RGS6: variants seen among roughly 807,000 people sequenced by gnomAD.
The protein encoded by RGS6 is regulator of G-protein signaling 6.
A neutral mutation model predicts 78.5 loss-of-function variants in RGS6; 30 were observed. The ratio of observed to expected loss-of-function variants is 0.38; its 90% CI spans 0.29 to 0.52. RGS6 has a LOEUF of 0.52. RGS6 is among the 20% of genes least tolerant of loss of function. The pLI, the probability that RGS6 is intolerant of heterozygous loss-of-function variation, is 0.85. For synonymous variants in RGS6, 206 were observed against 206.0 expected (o/e 1.00, Z 0.00); for missense variants, 495 against 609.7 (o/e 0.81, Z 1.98).
At chr14:71,897,853 G>T in the RGS6 span, among the ~76,000 whole-genome samples, 9 of 152,156 alleles carry the variant, frequency 5.9e-5, no homozygotes, top group South Asian at 1.9e-3. Context: ...TACAGCAAGG[G>T]AGGACTCCTT....
chr14:72,194,797 C>T lies in RGS6; in HGVS notation c.85-157298C>T, dbSNP rs184960644. 1.2e-4 allele frequency among the ~76,000 whole-genome samples: 19 copies of T among 152,248 alleles called. 1 individual carries two copies. The East Asian group carries it at 3.3e-3, about 26-fold the overall frequency. ...GAAGAGGGACCCTGGGGCAGGGGAG[C>T]AGCTGCAATTTTAACTAGGGCAACC... On this transcript the variant is annotated intron_variant, in intron 2 of 17. Coordinates refer to ENST00000553525, the MANE Select transcript of RGS6 (RefSeq NM_001204424.2).
At chr14:72,236,261 A>G (rs777984163) in intron 2 of RGS6, among the ~76,000 whole-genome samples, 2 of 152,192 alleles carry the variant, frequency 1.3e-5, no homozygotes, top group Admixed American at 6.5e-5. Context: ...TGTTTGCTTC[A>G]TCACTGGCTA....
At chr14:72,055,945 G>C (rs536654428) in intron 2 of RGS6, among the ~76,000 whole-genome samples, 1 of 152,198 alleles carries the variant, frequency 6.6e-6, no homozygotes, top group African/African-American at 2.4e-5. Flanking sequence ...GCTAGAAATT[G>C]TGCTTGACAT....
At chr14:72,507,558 C>A (rs2096823642) in intron 13 of RGS6, among the ~76,000 whole-genome samples, 1 of 152,184 alleles carries the variant, frequency 6.6e-6, no homozygotes, top group East Asian at 1.9e-4. Flanking sequence ...CTGTCCTAAG[C>A]ATCCCTCTGA....
chr14:71,925,129 T>G, the RGS6 span, among the ~76,000 whole-genome samples: 1 of 152,210 alleles, frequency 6.6e-6, no homozygotes. Flanking sequence ...GAGGTGACAC[T>G]CATTGTGGCT....
At chr14:72,414,499 CA>C (rs1307980413) in intron 3 of RGS6, among the ~76,000 whole-genome samples, 5 of 152,088 alleles carry the variant, frequency 3.3e-5, no homozygotes, top group African/African-American at 1.2e-4. Context: ...ACTTCTTTGC[CA>C]TTGGTTCGAA....
At chr14:72,551,729 A>C (rs1384110009) in intron 17 of RGS6, among the ~76,000 whole-genome samples, 1 of 152,204 alleles carries the variant, frequency 6.6e-6, no homozygotes, top group Admixed American at 6.5e-5. Flanking sequence ...CACAGGGTAG[A>C]TGTTGGCATT....
At chr14:72,409,909 C>A (rs887682992) in intron 3 of RGS6, among the ~76,000 whole-genome samples, 3 of 152,164 alleles carry the variant, frequency 2.0e-5, no homozygotes, top group Admixed American at 6.5e-5. Flanking sequence ...TTTTTTATGG[C>A]TGCATAGTAT....
intron 2 of RGS6, among the ~76,000 whole-genome samples, chr14:72,201,039 C>T (rs78170293): frequency 0.014 from 2,177 of 151,592 alleles, 56 homozygotes; most frequent in African/African-American, 0.05. Context: ...CCTTCTTAGC[C>T]AGCCTGAGTT....
chr14:72,223,639 G>A (rs1269011646), intron 2 of RGS6, among the ~76,000 whole-genome samples: 1 of 152,228 alleles, frequency 6.6e-6, no homozygotes, highest in African/African-American at 2.4e-5. Flanking sequence ...TCTAGTAATA[G>A]ACAAGGGCCA....
chr14:71,948,160 A>G (rs1455165366), intron 1 of RGS6, among the ~76,000 whole-genome samples: 3 of 152,162 alleles, frequency 2.0e-5, no homozygotes, highest in African/African-American at 4.8e-5. Context: ...GCACGAGAGA[A>G]GAAGAAGATG....
At chr14:72,195,696 G>A (rs1392643890) in intron 2 of RGS6, among the ~76,000 whole-genome samples, 1 of 152,204 alleles carries the variant, frequency 6.6e-6, no homozygotes, top group Non-Finnish European at 1.5e-5. Context: ...TTTTATAAGC[G>A]ACTTCCTGAG....
chr14:72,581,956 C>G, the RGS6 span, among the ~76,000 whole-genome samples: 2 of 152,194 alleles, frequency 1.3e-5, no homozygotes, highest in African/African-American at 2.4e-5. Flanking sequence ...CTGGTGGGAG[C>G]TTTCCTGCTG....
At chr14:71,993,779 G>A (rs1453401958) in intron 2 of RGS6, among the ~76,000 whole-genome samples, 1 of 152,120 alleles carries the variant, frequency 6.6e-6, no homozygotes, top group East Asian at 1.9e-4. Context: ...CAGGGAATCT[G>A]ACCCAGACTT....
chr14:72,301,738 G>C (rs1255983921), intron 2 of RGS6, among the ~76,000 whole-genome samples: 3 of 152,138 alleles, frequency 2.0e-5, no homozygotes, highest in Non-Finnish European at 4.4e-5. Context: ...TGGCTGACAA[G>C]CTTTGGCATT....
the RGS6 span, among the ~76,000 whole-genome samples, chr14:71,869,431 C>A: frequency 6.6e-6 from 1 of 152,146 alleles, no homozygotes; most frequent in Non-Finnish European, 1.5e-5. Context: ...TGGAGGGAGA[C>A]CATCCTTTGC....
At chr14:72,549,076 A>G (rs1004309047) in intron 17 of RGS6, among the ~76,000 whole-genome samples, 18 of 152,212 alleles carry the variant, frequency 1.2e-4, no homozygotes, top group Non-Finnish European at 2.5e-4. Flanking sequence ...AGAATGAATT[A>G]TAAGGAAGGA....
At chr14:71,905,043 C>T in the RGS6 span, among the ~76,000 whole-genome samples, 1 of 152,180 alleles carries the variant, frequency 6.6e-6, no homozygotes, top group Non-Finnish European at 1.5e-5. Context: ...ACACTCTTAG[C>T]TGGTTCTGTT....
At chr14:72,376,230 A>G (rs2084679073) in intron 3 of RGS6, among the ~76,000 whole-genome samples, 1 of 152,190 alleles carries the variant, frequency 6.6e-6, no homozygotes, top group African/African-American at 2.4e-5. Context: ...ACAATTGAGA[A>G]CTTCAACACC....
Sources: allele counts gnomAD v4.1 joint callset (sites outside exome capture counted in the v4.1 genomes callset), GRCh38; gene constraint gnomAD v4.1.1; transcripts MANE v1.5; gene names NCBI Gene and HGNC (gene_info 2026-07-23, HGNC 2026-07-21).